The following FBXL17 variants were observed in gnomAD, a reference collection of about 807,000 sequenced individuals.
FBXL17 encodes the protein F-box/LRR-repeat protein 17.
A neutral mutation model predicts 66.2 loss-of-function variants in FBXL17; 22 were observed. The observed-to-expected ratio is 0.33, with a 90% CI of 0.24 to 0.47. The LOEUF is 0.47. Ranked by LOEUF, FBXL17 falls within the 20% of genes least tolerant of loss-of-function variation. The probability of loss-of-function intolerance (pLI) is 1.00; values close to 1 mark genes in which losing one functional copy is unlikely to be tolerated. For missense variants in FBXL17, 878 were observed against 948.2 expected (o/e 0.93, Z 0.97); for synonymous variants, 474 against 400.5 (o/e 1.18, Z -2.19).
chr5:108,112,609 G>GA (rs1339104580), intron 6 of FBXL17, among the ~76,000 whole-genome samples: 1 of 152,028 alleles, frequency 6.6e-6, no homozygotes. Context: ...CCCATGAGGA[G>GA]AAAAAACAAT....
chr5:108,026,759 A>G (rs73206542), intron 6 of FBXL17, among the ~76,000 whole-genome samples: 7,233 of 152,294 alleles, frequency 0.047, 572 homozygotes, highest in African/African-American at 0.16. Flanking sequence ...AGCTCTTGCT[A>G]CTTAAACAAT....
chr5:108,226,355 T>C (rs1164832652), intron 4 of FBXL17, among the ~76,000 whole-genome samples: 1 of 152,224 alleles, frequency 6.6e-6, no homozygotes. Context: ...CTTCTTTCCA[T>C]GTCCTCCATC....
chr5:108,146,493 C>T (rs1045111707), intron 6 of FBXL17, among the ~76,000 whole-genome samples: 3 of 152,070 alleles, frequency 2.0e-5, no homozygotes, highest in Non-Finnish European at 2.9e-5. Context: ...AAAATGGCCA[C>T]GAAAGTCTAC....
intron 7 of FBXL17, among the ~76,000 whole-genome samples, chr5:107,975,945 G>A (rs1184978506): frequency 2.1e-5 from 3 of 146,108 alleles, no homozygotes; most frequent in East Asian, 2.1e-4. Context: ...TGCAACCTCC[G>A]CCTCTTGGGT....
chr5:108,101,680 T>C (rs1252609598), intron 6 of FBXL17, among the ~76,000 whole-genome samples: 1 of 152,240 alleles, frequency 6.6e-6, no homozygotes, highest in African/African-American at 2.4e-5. Flanking sequence ...TTTGTGATAG[T>C]AATTTCCCAA....
intron 4 of FBXL17, among the ~76,000 whole-genome samples, chr5:108,340,998 C>T (rs1390787291): frequency 6.6e-6 from 1 of 152,074 alleles, no homozygotes; most frequent in Non-Finnish European, 1.5e-5. Flanking sequence ...ATTGTATATA[C>T]TTCTCATATA....
intron 6 of FBXL17, among the ~76,000 whole-genome samples, chr5:108,138,022 A>G (rs1236929176): frequency 6.6e-6 from 1 of 152,164 alleles, no homozygotes; most frequent in Non-Finnish European, 1.5e-5. Flanking sequence ...CTATTTTTGT[A>G]ACTTCCTAAG....
rs1390280817 is a variant in FBXL17, at chr5:108,232,401, G to A, written c.1507-8173C>T. On this transcript the variant is annotated intron_variant, in intron 4 of 8. Coordinates refer to ENST00000542267, the MANE Select transcript of FBXL17 (RefSeq NM_001163315.3). ...TATGGGTTCAAGTTGGCAAGGGGTG[G>A]ACTTGTGATGATTAATACTGTCAAC... Among the ~76,000 whole-genome samples, 3 of 152,028 alleles carry A rather than the reference G, an allele frequency of 2.0e-5. No homozygotes were observed. In the East Asian group the frequency reaches 5.8e-4, roughly 29 times the overall value.
intron 7 of FBXL17, among the ~76,000 whole-genome samples, chr5:107,962,152 T>G (rs2112630129): frequency 6.6e-6 from 1 of 152,266 alleles, no homozygotes; most frequent in South Asian, 2.1e-4. Flanking sequence ...CTGGAGATAG[T>G]GGTGATGGTT....
At chr5:108,062,277 T>C (rs1402303742) in intron 6 of FBXL17, among the ~76,000 whole-genome samples, 2 of 152,138 alleles carry the variant, frequency 1.3e-5, no homozygotes, top group Non-Finnish European at 2.9e-5. Flanking sequence ...TAGCTTGGCA[T>C]TCCTATATTA....
chr5:108,304,282 A>G (rs950539495), intron 4 of FBXL17, among the ~76,000 whole-genome samples: 1 of 152,056 alleles, frequency 6.6e-6, no homozygotes, highest in African/African-American at 2.4e-5. Context: ...TTTTAATCTT[A>G]ATTTGAATCA....
At chr5:108,022,895 T>C (rs942996608) in intron 6 of FBXL17, among the ~76,000 whole-genome samples, 2 of 151,916 alleles carry the variant, frequency 1.3e-5, no homozygotes, top group African/African-American at 2.4e-5. Flanking sequence ...TAAAAACTGA[T>C]AAAGGGTCAT....
intron 1 of FBXL17, among the ~76,000 whole-genome samples, chr5:108,370,125 C>T (rs2112599823): frequency 6.6e-6 from 1 of 152,196 alleles, no homozygotes; most frequent in East Asian, 1.9e-4. Flanking sequence ...ACCAGAATAC[C>T]CAGAGAAAAT....
At chr5:108,260,262 A>G (rs776635273) in intron 4 of FBXL17, among the ~76,000 whole-genome samples, 1 of 152,114 alleles carries the variant, frequency 6.6e-6, no homozygotes, top group Non-Finnish European at 1.5e-5. Flanking sequence ...GTGAAGGTGA[A>G]AACCATAGGT....
intron 6 of FBXL17, among the ~76,000 whole-genome samples, chr5:108,048,233 C>A (rs1398362359): frequency 2.6e-5 from 4 of 152,148 alleles, no homozygotes; most frequent in Non-Finnish European, 4.4e-5. Flanking sequence ...GAAAGAAAAA[C>A]AAACAAACAG....
intron 4 of FBXL17, among the ~76,000 whole-genome samples, chr5:108,257,810 T>C (rs1033147647): frequency 6.6e-6 from 1 of 152,164 alleles, no homozygotes; most frequent in Admixed American, 6.6e-5. Flanking sequence ...ACATATTGTA[T>C]TATAATTTTT....
intron 6 of FBXL17, among the ~76,000 whole-genome samples, chr5:108,047,496 G>T (rs1747299491): frequency 6.6e-6 from 1 of 152,170 alleles, no homozygotes; most frequent in African/African-American, 2.4e-5. Flanking sequence ...CCCTGGGGGA[G>T]GGCCAGCAGC....
At chr5:107,863,980 A>C (rs1204412337) in intron 8 of FBXL17, among the ~76,000 whole-genome samples, 1 of 152,216 alleles carries the variant, frequency 6.6e-6, no homozygotes, top group Non-Finnish European at 1.5e-5. Context: ...CTTCCACCTG[A>C]ATAAAAGCCT....
chr5:108,287,518 C>T (rs1757945961), intron 4 of FBXL17, among the ~76,000 whole-genome samples: 1 of 151,550 alleles, frequency 6.6e-6, no homozygotes, highest in Non-Finnish European at 1.5e-5. Flanking sequence ...ATGAAAAATG[C>T]TCAACATCAC....
Sources: gnomAD v4.1 joint callset for allele counts (sites outside exome capture counted in the v4.1 genomes callset) on GRCh38, gnomAD v4.1.1 for gene constraint, MANE v1.5 for transcripts, NCBI Gene and HGNC (gene_info 2026-07-23, HGNC 2026-07-21) for gene names.